The following TSBP1 variants were observed in gnomAD, a reference collection of about 807,000 sequenced individuals.
TSBP1 encodes testis-expressed basic protein 1.
TSBP1 carries 56 observed loss-of-function variants against 68.8 expected under a neutral mutation model. That is an observed-to-expected ratio of 0.81 (90% CI 0.66 to 1.02). TSBP1 has a LOEUF of 1.02. TSBP1 is among the 50% of genes least tolerant of loss of function. The probability of loss-of-function intolerance (pLI) is 0.00; values close to 1 mark genes in which losing one functional copy is unlikely to be tolerated. For missense variants in TSBP1, 502 were observed against 641.2 expected, an observed-to-expected ratio of 0.78 and a Z score of 2.34; for synonymous variants, 171 against 208.7, an observed-to-expected ratio of 0.82 and a Z score of 1.56.
At chr6:32,339,338 A>T in intron 10 of TSBP1, 1 of 576,990 alleles carries the variant, frequency 1.7e-6, no homozygotes. Context: ...TTAATCAGTC[A>T]CTTAGAGGAT....
chr6:32,356,276 A>G lies in TSBP1; in HGVS notation c.218-607T>C, dbSNP rs569591300. 9.9e-5 allele frequency among the ~76,000 whole-genome samples: 15 copies of G among 152,186 alleles called. 1 individual carries two copies. In the South Asian group the frequency reaches 3.1e-3, roughly 32 times the overall value. On this transcript the variant is annotated intron_variant, in intron 6 of 22. Coordinates refer to ENST00000612031, the Ensembl canonical transcript of TSBP1. The stretch of plus-strand genomic sequence containing the variant: ...CTATTTCACTAAAGTATAGTTAAAG[A>G]TATACTCAGAAATGTGAAGACAATA...
Position 32,355,575 on chromosome 6 carries a change from C to G in TSBP1, c.238+74G>C. 3 of 1,559,192 alleles carry G rather than the reference C, an allele frequency of 1.9e-6. No homozygotes were observed. In the South Asian group the frequency reaches 3.5e-5, roughly 18 times the overall value. ...ACATATGACAGGATTTCTCTTTCCTCCAAAGCATTTACAATCTAGGGAAAT... is the reference window on the plus strand; with the variant it reads ...ACATATGACAGGATTTCTCTTTCCTGCAAAGCATTTACAATCTAGGGAAAT... On this transcript the variant is annotated intron_variant, in intron 7 of 22. Transcript: ENST00000612031.
At chr6:32,319,708 CTTAT>C (rs1469895110) in intron 18 of TSBP1, among the ~76,000 whole-genome samples, 1 of 151,908 alleles carries the variant, frequency 6.6e-6, no homozygotes, top group Non-Finnish European at 1.5e-5. Flanking sequence ...TGTTACTCTT[CTTAT>C]TTTTCTACAT....
chr6:32,297,336 TG>T (rs1217929151), intron 22 of TSBP1, among the ~76,000 whole-genome samples: 1 of 152,192 alleles, frequency 6.6e-6, no homozygotes, highest in Non-Finnish European at 1.5e-5. Flanking sequence ...ATCAAGACTT[TG>T]GGGATCATCA....
rs543387916 is a variant in TSBP1 at position 32,370,128 on chromosome 6, C to T, written c.14-145G>A. The T allele has an allele frequency of 6.1e-4, 391 of 639,032 alleles. 1 individual carries two copies. Among genetic ancestry groups the T allele is most frequent in the Non-Finnish European group, 4.1e-4 (145 of 357,994 alleles). The allele number at this position is 639,032 out of a possible 1,614,324, so 39.6% of individuals were successfully genotyped here. ...TTCAACTCCTTTATTCTTTTATTTG[C>T]CGCATATTACTGTCCTCACATTCCC... On this transcript the variant is annotated intron_variant, in intron 1 of 22. Coordinates refer to ENST00000612031, the Ensembl canonical transcript of TSBP1.
At chr6:32,370,983 A>AAACG (rs1402077528) in intron 1 of TSBP1, among the ~76,000 whole-genome samples, 1 of 152,222 alleles carries the variant, frequency 6.6e-6, no homozygotes, top group Non-Finnish European at 1.5e-5. Flanking sequence ...AGACTACTTC[A>AAACG]AACGAACAAT....
At chr6:32,352,335 C>G (rs536881854) in intron 8 of TSBP1, among the ~76,000 whole-genome samples, 34 of 151,780 alleles carry the variant, frequency 2.2e-4, no homozygotes, top group African/African-American at 8.2e-4. Flanking sequence ...ATTATCTAGT[C>G]TTGGAAGAAG....
intron 8 of TSBP1, among the ~76,000 whole-genome samples, chr6:32,351,891 T>C (rs1471191923): frequency 1.3e-5 from 2 of 152,054 alleles, no homozygotes; most frequent in Non-Finnish European, 2.9e-5. Flanking sequence ...TGAAAATATA[T>C]TTACTTAGGA....
At chr6:32,368,065 A>C (rs1322161925) in intron 3 of TSBP1, 108 bp from the exon 4 acceptor site, 4 of 859,002 alleles carry the variant, frequency 4.7e-6, no homozygotes, top group Non-Finnish European at 7.6e-6. Context: ...GTGAATAATG[A>C]TGTGAATTAA....
chr6:32,356,690 A>G (rs1012496574), intron 6 of TSBP1, among the ~76,000 whole-genome samples: 2 of 151,988 alleles, frequency 1.3e-5, no homozygotes, highest in African/African-American at 4.8e-5. Flanking sequence ...ACTGCACTCC[A>G]GCCTGGCCCA....
rs964503422 is a variant in TSBP1 at position 32,340,647 on chromosome 6, T to A, written c.350-1009A>T. Among the ~76,000 whole-genome samples, 1 of 152,218 alleles carries A rather than the reference T, an allele frequency of 6.6e-6. No homozygotes were observed. Among genetic ancestry groups the A allele is most frequent in the African/African-American group, 2.4e-5 (1 of 41,452 alleles). On this transcript the variant is annotated intron_variant, in intron 9 of 22. Transcript: ENST00000612031. This position sits in a 1 kb window ranked among gnomAD's most constrained non-coding sequence, Gnocchi z 4.8. ...ATGACTATCTGGAGATGACAAGAAT[T>A]TTAGGATACATGTGAGCTGAGCAGG...
chr6:32,338,681 T>G lies in TSBP1; in HGVS notation c.409+298A>C, dbSNP rs1769957124. On this transcript the variant is annotated intron_variant, in intron 11 of 22. Transcript: ENST00000612031. The surrounding 1 kb of genome is among the most constrained non-coding windows in gnomAD (Gnocchi z 5.5). ...AATGGCCACCATCAAGCCTCTTTCT[T>G]TGAGTGTTACTGGGTTTTCTCACAG... Among the ~76,000 whole-genome samples, 1 of 152,200 alleles carries G rather than the reference T, an allele frequency of 6.6e-6. No individual in the cohort carries two copies. The highest frequency in any genetic ancestry group is 1.5e-5 in the Non-Finnish European group (1 of 68,026).
chr6:32,302,546 A>C lies in TSBP1; in HGVS notation c.601+63T>G. ...CATAAAACATTAAAAACATTTGTAG[A>C]AAAAATTTGCTCACCCCAGCCCTAC... On this transcript the variant is annotated intron_variant, in intron 20 of 22. Coordinates refer to ENST00000612031, the Ensembl canonical transcript of TSBP1. The surrounding 1 kb of genome is among the most constrained non-coding windows in gnomAD (Gnocchi z 5.1). 9.8e-7 allele frequency: 1 copy of C among 1,021,302 alleles called. No homozygotes were observed. Among genetic ancestry groups the C allele is most frequent in the Non-Finnish European group, 1.5e-6 (1 of 655,054 alleles). 63.3% of individuals were successfully genotyped at this position (1,021,302 alleles called of 1,614,324 possible). A position where few individuals can be genotyped will look rare whatever the true frequency, so the allele number is the denominator to read the frequency against.
intron 16 of TSBP1, among the ~76,000 whole-genome samples, chr6:32,328,037 T>C (rs1167507994): frequency 1.3e-5 from 2 of 151,864 alleles, no homozygotes; most frequent in Admixed American, 6.6e-5. Flanking sequence ...ATCTCCTGAC[T>C]TCGTGATCTG....
chr6:32,345,602 GA>G (rs1770923335), intron 9 of TSBP1, among the ~76,000 whole-genome samples: 1 of 151,628 alleles, frequency 6.6e-6, no homozygotes, highest in African/African-American at 2.4e-5. Flanking sequence ...TTATTATGAA[GA>G]AAAAATGTTT....
At chr6:32,301,893 T>C (rs1206970220) in intron 20 of TSBP1, among the ~76,000 whole-genome samples, 1 of 150,766 alleles carries the variant, frequency 6.6e-6, no homozygotes, top group Non-Finnish European at 1.5e-5. Flanking sequence ...AAAAATAGCA[T>C]CTAGGACATG....
intron 22 of TSBP1, among the ~76,000 whole-genome samples, chr6:32,295,439 C>T (rs1331927964): frequency 2.7e-5 from 4 of 150,816 alleles, no homozygotes; most frequent in Non-Finnish European, 5.9e-5. Flanking sequence ...AGTTAATCCT[C>T]AAAGATTCAC....
intron 1 of TSBP1, 89 bp from the exon 2 acceptor site, chr6:32,370,072 A>G: frequency 1.3e-6 from 1 of 762,418 alleles, no homozygotes; most frequent in Non-Finnish European, 2.2e-6. Flanking sequence ...TATCCACCAG[A>G]TAGACTTTTT....
At chr6:32,293,047 T>C in exon 23 of TSBP1, 1 of 1,612,594 alleles carries the variant, frequency 6.2e-7, no homozygotes, top group Non-Finnish European at 8.5e-7. Context: ...AGCCTTTTGA[T>C]TTTTCACCAT....
Sources: allele counts gnomAD v4.1 joint callset (sites outside exome capture counted in the v4.1 genomes callset), GRCh38; gene constraint gnomAD v4.1.1; non-coding constraint Gnocchi (gnomAD v3.1); transcripts MANE v1.5; gene names NCBI Gene and HGNC (gene_info 2026-07-23, HGNC 2026-07-21).